Variants in DLGAP2 observed in about 807,000 individuals in gnomAD.
DLGAP2 encodes disks large-associated protein 2.
A neutral mutation model predicts 100.3 loss-of-function variants in DLGAP2; 26 were observed. The ratio of observed to expected loss-of-function variants is 0.26; its 90% CI spans 0.19 to 0.36. DLGAP2 has a LOEUF of 0.36. Ranked by LOEUF, DLGAP2 falls within the 10% of genes least tolerant of loss-of-function variation. DLGAP2 has a pLI of 1.00. For synonymous variants in DLGAP2, 886 were observed against 630.1 expected (o/e 1.41, Z -6.08); for missense variants, 1,858 against 1,453.2 (o/e 1.28, Z -4.53).
chr8:1,148,797 G>A (rs767074597), intron 2 of DLGAP2, among the ~76,000 whole-genome samples: 12 of 152,142 alleles, frequency 7.9e-5, no homozygotes, highest in Admixed American at 5.9e-4. Flanking sequence ...TGTATTTTAC[G>A]TATTTCAATT....
chr8:1,470,780 C>CGACCCCT (rs1563168461), intron 3 of DLGAP2, among the ~76,000 whole-genome samples: 8 of 89,724 alleles, frequency 8.9e-5, no homozygotes, highest in Admixed American at 3.3e-4. Context: ...TCCCGACTCC[C>CGACCCCT]CCAGCCTTTC....
At chr8:984,302 T>TA (rs1243174618) in intron 2 of DLGAP2, among the ~76,000 whole-genome samples, 2 of 152,178 alleles carry the variant, frequency 1.3e-5, no homozygotes, top group African/African-American at 4.8e-5. Flanking sequence ...CTCTCAAGGA[T>TA]AATATTCTCT....
chr8:786,327 G>A (rs568860124), intron 1 of DLGAP2, among the ~76,000 whole-genome samples: 2 of 152,144 alleles, frequency 1.3e-5, no homozygotes. Context: ...CATGGTCCGG[G>A]CTCCCACTTC....
At chr8:1,215,517 C>T (rs1449340083) in intron 2 of DLGAP2, among the ~76,000 whole-genome samples, 5 of 3,208 alleles carry the variant, frequency 1.6e-3, no homozygotes, top group African/African-American at 4.2e-3. Flanking sequence ...CTGGAGACGT[C>T]CAGGTACCTG....
chr8:963,271 G>T (rs1049814760), intron 2 of DLGAP2, among the ~76,000 whole-genome samples: 1 of 152,136 alleles, frequency 6.6e-6, no homozygotes, highest in Non-Finnish European at 1.5e-5. Flanking sequence ...TTGAAAATGA[G>T]TATTTCAGAA....
intron 2 of DLGAP2, among the ~76,000 whole-genome samples, chr8:1,158,847 T>C (rs1274100228): frequency 6.6e-6 from 1 of 152,174 alleles, no homozygotes; most frequent in East Asian, 1.9e-4. Context: ...GGGACCCCGT[T>C]AGTGGGATTC....
intron 2 of DLGAP2, among the ~76,000 whole-genome samples, chr8:1,000,740 G>A (rs1208832882): frequency 6.6e-6 from 1 of 152,100 alleles, no homozygotes; most frequent in African/African-American, 2.4e-5. Context: ...TTTACTCAAC[G>A]TCGACTGCAG....
intron 6 of DLGAP2, among the ~76,000 whole-genome samples, chr8:1,599,286 T>C (rs1401464009): frequency 3.3e-5 from 5 of 152,194 alleles, no homozygotes; most frequent in Non-Finnish European, 4.4e-5. Context: ...CTCCCAATTA[T>C]GTGGTCAGTT....
intron 3 of DLGAP2, among the ~76,000 whole-genome samples, chr8:1,319,488 G>C (rs1339820723): frequency 1.3e-5 from 2 of 152,198 alleles, no homozygotes; most frequent in African/African-American, 2.4e-5. Flanking sequence ...AGTGGGTGTG[G>C]AGGCAGCTGA....
At chr8:1,361,369 G>A (rs1801978701) in intron 3 of DLGAP2, among the ~76,000 whole-genome samples, 1 of 152,170 alleles carries the variant, frequency 6.6e-6, no homozygotes, top group African/African-American at 2.4e-5. Flanking sequence ...TATAGGACTT[G>A]GATTTATCTT....
chr8:1,582,447 C>G (rs965835737), intron 6 of DLGAP2, among the ~76,000 whole-genome samples: 1 of 150,478 alleles, frequency 6.6e-6, no homozygotes, highest in African/African-American at 2.5e-5. Flanking sequence ...CAGGAAAAGA[C>G]GTTAGCCCAG....
intron 1 of DLGAP2, among the ~76,000 whole-genome samples, chr8:824,265 G>A (rs1796644538): frequency 6.6e-6 from 1 of 151,744 alleles, no homozygotes; most frequent in African/African-American, 2.4e-5. Context: ...TTGTAGAGAT[G>A]GGGTTTTGCC....
chr8:1,440,992 T>C (rs532744675), intron 3 of DLGAP2, among the ~76,000 whole-genome samples: 1 of 152,314 alleles, frequency 6.6e-6, no homozygotes, highest in East Asian at 1.9e-4. Context: ...GCACGGGTTT[T>C]CCAGCCAAAT....
intron 3 of DLGAP2, among the ~76,000 whole-genome samples, chr8:1,498,704 A>C (rs951653077): frequency 7.9e-5 from 12 of 152,222 alleles, no homozygotes; most frequent in African/African-American, 2.9e-4. Flanking sequence ...CTTTAATAAA[A>C]CGTATGTGAA....
chr8:1,218,516 A>G (rs1439987798), intron 2 of DLGAP2, among the ~76,000 whole-genome samples: 1 of 151,086 alleles, frequency 6.6e-6, no homozygotes, highest in Non-Finnish European at 1.5e-5. Context: ...TACCAGTACC[A>G]TGTTGTTTTG....
chr8:1,124,769 C>T (rs1039179358), intron 2 of DLGAP2, among the ~76,000 whole-genome samples: 1 of 152,166 alleles, frequency 6.6e-6, no homozygotes, highest in African/African-American at 2.4e-5. Context: ...ACACAGCCCC[C>T]GTGTGGTGTT....
At chr8:1,438,187 C>G (rs1161410558) in intron 3 of DLGAP2, among the ~76,000 whole-genome samples, 1 of 152,124 alleles carries the variant, frequency 6.6e-6, no homozygotes, top group Non-Finnish European at 1.5e-5. Flanking sequence ...GCAACCAGCG[C>G]TAGCCACCTG....
At chr8:1,514,016 A>G (rs368264735) in intron 4 of DLGAP2, among the ~76,000 whole-genome samples, 14 of 152,270 alleles carry the variant, frequency 9.2e-5, no homozygotes, top group African/African-American at 3.1e-4. Flanking sequence ...GGGTTATCTT[A>G]CGTGATATGG....
intron 1 of DLGAP2, among the ~76,000 whole-genome samples, chr8:754,644 G>C (rs1244607392): frequency 6.6e-6 from 1 of 152,186 alleles, no homozygotes; most frequent in Non-Finnish European, 1.5e-5. Context: ...GAGGTCAGGA[G>C]TTTGAGACCA....
Sources: gnomAD v4.1 joint callset for allele counts (sites outside exome capture counted in the v4.1 genomes callset) on GRCh38, gnomAD v4.1.1 for gene constraint, MANE v1.5 for transcripts, NCBI Gene and HGNC (gene_info 2026-07-23, HGNC 2026-07-21) for gene names.